Variants in LRPPRC observed in about 807,000 individuals in gnomAD.
LRPPRC encodes leucine rich pentatricopeptide repeat containing.
A neutral mutation model predicts 180.3 loss-of-function variants in LRPPRC; 120 were observed. That is an observed-to-expected ratio of 0.67 (90% CI 0.57 to 0.77). LRPPRC has a LOEUF of 0.77. LRPPRC is among the 30% of genes least tolerant of loss of function. The pLI is 0.00. For synonymous variants in LRPPRC, 723 were observed against 600.0 expected, an observed-to-expected ratio of 1.21 and a Z score of -3.00; for missense variants, 2,012 against 1,657.2, an observed-to-expected ratio of 1.21 and a Z score of -3.72.
chr2:43,979,842 G>A lies in LRPPRC; in HGVS notation c.453C>T (p.Asp151=), dbSNP rs754501112. The change falls in exon 3 of 38, where the codon GAC becomes GAT. Residue 151 remains aspartate, a synonymous_variant. Transcript: ENST00000260665. ...CAATCATACCTAATTTCTGAAGTGT[G>A]TCCCATATCCTATGAGCAAATTCTG... is the stretch of plus-strand genomic sequence containing the variant. ...ERTEFAHRIW[D]TLQKLGAVYD... The A allele has an allele frequency of 5.6e-6, 9 of 1,612,856 alleles. No homozygotes were observed. The African/African-American group carries it at 8.0e-5, about 14-fold the overall frequency.
chr2:43,910,460 C>G (rs1193790359), intron 30 of LRPPRC, among the ~76,000 whole-genome samples: 1 of 152,144 alleles, frequency 6.6e-6, no homozygotes, highest in Non-Finnish European at 1.5e-5. Flanking sequence ...GTCTCGAACT[C>G]CTGACCTCAA....
At position 43,922,890 on chromosome 2, in the gene LRPPRC, C is replaced by T. The variant is rs72877153; in HGVS notation, c.2896+2177G>A. Among the ~76,000 whole-genome samples, 1,108 of 152,212 alleles carry T rather than the reference C, an allele frequency of 7.3e-3. 16 individuals carry two copies. The highest frequency in any genetic ancestry group is 0.024 in the African/African-American group (988 of 41,510). ...ATTAGGGCTATCATAACCAGATTAT[C>T]CATTTATAACACGGCAGAAGGTAGG... On this transcript the variant is annotated intron_variant, in intron 27 of 37. Transcript: ENST00000260665.
At chr2:43,940,499 T>C (rs766135136) in intron 23 of LRPPRC, among the ~76,000 whole-genome samples, 1 of 152,170 alleles carries the variant, frequency 6.6e-6, no homozygotes, top group Non-Finnish European at 1.5e-5. Flanking sequence ...ATAGTATATA[T>C]GAAGTTCATG....
intron 27 of LRPPRC, 55 bp from the exon 28 acceptor site, chr2:43,918,453 C>T: frequency 8.0e-7 from 1 of 1,244,138 alleles, no homozygotes; most frequent in South Asian, 1.2e-5. Flanking sequence ...ACAGAATACA[C>T]AAAAATATTT....
intron 14 of LRPPRC, among the ~76,000 whole-genome samples, chr2:43,952,414 G>C (rs1672942933): frequency 6.6e-6 from 1 of 152,138 alleles, no homozygotes; most frequent in African/African-American, 2.4e-5. Context: ...CTGTTGTAAG[G>C]AACAGTTACC....
At chr2:43,973,283 C>T (rs528946315) in intron 11 of LRPPRC, among the ~76,000 whole-genome samples, 48 of 152,098 alleles carry the variant, frequency 3.2e-4, no homozygotes, top group African/African-American at 1.1e-3. Context: ...TAAAGGTAGA[C>T]AATCTGATTT....
chr2:43,907,973 T>G (rs1218045884), intron 30 of LRPPRC, among the ~76,000 whole-genome samples: 1 of 152,144 alleles, frequency 6.6e-6, no homozygotes, highest in Non-Finnish European at 1.5e-5. Flanking sequence ...GCATGAGAAG[T>G]GAGCTTTCAT....
intron 11 of LRPPRC, among the ~76,000 whole-genome samples, chr2:43,970,447 T>G (rs1405019281): frequency 6.6e-6 from 1 of 152,208 alleles, no homozygotes; most frequent in Non-Finnish European, 1.5e-5. Flanking sequence ...AAGACTGATC[T>G]ATCTGAACAA....
chr2:43,899,022 G>A (rs1670793736), intron 34 of LRPPRC, among the ~76,000 whole-genome samples, 197 bp downstream of exon 34: 1 of 152,040 alleles, frequency 6.6e-6, no homozygotes, highest in African/African-American at 2.4e-5. Flanking sequence ...AGTTTGATCT[G>A]GCATCTTTAA....
At chr2:43,916,759 G>A (rs1049593995) in intron 29 of LRPPRC, among the ~76,000 whole-genome samples, 2 of 151,754 alleles carry the variant, frequency 1.3e-5, no homozygotes, top group Non-Finnish European at 2.9e-5. Context: ...TTTAAGACCA[G>A]CCCGGGCAAC....
chr2:43,911,857 C>T (rs1425710624), intron 30 of LRPPRC, among the ~76,000 whole-genome samples: 3 of 151,810 alleles, frequency 2.0e-5, no homozygotes, highest in Admixed American at 1.3e-4. Context: ...AAAAACAACA[C>T]GAAAGGAGGG....
At chr2:43,967,363 C>A (rs1362893931) in intron 11 of LRPPRC, among the ~76,000 whole-genome samples, 3 of 150,948 alleles carry the variant, frequency 2.0e-5, no homozygotes, top group African/African-American at 7.4e-5. Flanking sequence ...TCCAAAACAT[C>A]ATGTTGTTTA....
In LRPPRC at chr2:43,977,001, C is replaced by A. The variant is rs1341338477; in HGVS notation, c.643G>T (p.Gly215Cys). 6.2e-7 allele frequency: 1 copy of A among 1,612,972 alleles called. No individual in the cohort carries two copies. The highest frequency in any genetic ancestry group is 1.1e-5 in the South Asian group (1 of 91,026). ...GTTCATACAGATCCATACCTGGCAC[C>A]TTCAATATCTCCTACATTACAATAA... ...ASYCNVGDIEGASKILGFMKT... is the reference protein window; with the variant it reads ...ASYCNVGDIECASKILGFMKT... The change falls in exon 5 of 38, where the codon GGT becomes TGT. Residue 215 changes from glycine (G) to cysteine (C), a missense_variant. Physicochemically the swap from Gly to Cys is radical, Grantham distance 159 (BLOSUM62 -3). Coordinates refer to ENST00000260665, the MANE Select transcript of LRPPRC (RefSeq NM_133259.4).
intron 32 of LRPPRC, among the ~76,000 whole-genome samples, chr2:43,899,847 A>C (rs994583720): frequency 1.3e-5 from 2 of 152,248 alleles, no homozygotes; most frequent in Admixed American, 1.3e-4. Context: ...CAGCAGTTCA[A>C]ATAGTTGCTT....
At chr2:43,988,625 GT>G (rs1674638420) in intron 1 of LRPPRC, among the ~76,000 whole-genome samples, 3 of 152,066 alleles carry the variant, frequency 2.0e-5, no homozygotes, top group Admixed American at 2.0e-4. Context: ...GTTTTTGTTT[GT>G]TTGTTTTTTG....
chr2:43,932,609 T>C (rs1208793627), intron 25 of LRPPRC, among the ~76,000 whole-genome samples: 1 of 152,152 alleles, frequency 6.6e-6, no homozygotes, highest in African/African-American at 2.4e-5. Flanking sequence ...ATGCTGAACA[T>C]CATATTTTGA....
intron 31 of LRPPRC, chr2:43,904,826 C>T (rs1671016269): frequency 6.6e-6 from 1 of 151,898 alleles, no homozygotes. Flanking sequence ...CTTTTTCAAC[C>T]TTTCTTGAAG....
chr2:43,910,634 A>T (rs912941039), intron 30 of LRPPRC, among the ~76,000 whole-genome samples: 6 of 152,186 alleles, frequency 3.9e-5, no homozygotes, highest in African/African-American at 7.2e-5. Context: ...ATTTGTTATT[A>T]ATCACATGCG....
At chr2:43,977,392 T>G in intron 3 of LRPPRC, 116 bp from the exon 4 acceptor site, 1 of 792,404 alleles carries the variant, frequency 1.3e-6, no homozygotes, top group Non-Finnish European at 2.1e-6. Flanking sequence ...ATTTCACCCA[T>G]CCATCTTGGC....
Sources: allele counts gnomAD v4.1 joint callset (sites outside exome capture counted in the v4.1 genomes callset), GRCh38; gene constraint gnomAD v4.1.1; transcripts MANE v1.5; gene names NCBI Gene and HGNC (gene_info 2026-07-23, HGNC 2026-07-21).